The following BOC variants were observed in gnomAD, a reference collection of about 807,000 sequenced individuals.
The protein encoded by BOC is brother of CDO.
Under a neutral mutation model 112.0 loss-of-function variants are expected in BOC, and 76 were observed. The ratio of observed to expected loss-of-function variants is 0.68; its 90% CI spans 0.56 to 0.82. The LOEUF (loss-of-function observed/expected upper bound fraction) is 0.82, where lower values mean the gene tolerates loss of function less well. Ranked by LOEUF, BOC falls within the 40% of genes least tolerant of loss-of-function variation. The probability of loss-of-function intolerance (pLI) is 0.00; values close to 1 mark genes in which losing one functional copy is unlikely to be tolerated. For synonymous variants in BOC, 580 were observed against 599.8 expected, an observed-to-expected ratio of 0.97 and a Z score of 0.48; for missense variants, 1,309 against 1,511.7, an observed-to-expected ratio of 0.87 and a Z score of 2.22.
intron 2 of BOC, among the ~76,000 whole-genome samples, chr3:113,218,326 A>G (rs977921797): frequency 2.0e-5 from 3 of 152,176 alleles, no homozygotes; most frequent in Admixed American, 6.5e-5. Flanking sequence ...TAATATTACA[A>G]TCCTAGCAGG....
At chr3:113,231,876 G>T (rs554045312) in intron 2 of BOC, among the ~76,000 whole-genome samples, 2 of 152,178 alleles carry the variant, frequency 1.3e-5, no homozygotes, top group Admixed American at 1.3e-4. Flanking sequence ...CCTACTATGT[G>T]CCAAGCATTG....
rs138989977 is a variant in BOC, at chr3:113,272,646, G to C, written c.904G>C (p.Asp302His). The C allele has an allele frequency of 6.2e-7, 1 of 1,613,966 alleles. No homozygotes were observed. The highest frequency in any genetic ancestry group is 1.3e-5 in the African/African-American group (1 of 74,954). The change falls in exon 7 of 20, where the codon GAC becomes CAC. Residue 302 changes from aspartate (D) to histidine (H), a missense_variant. Asp to His is a moderately conservative substitution (Grantham distance 81). Coordinates refer to ENST00000682979, the MANE Select transcript of BOC (RefSeq NM_001378074.1). Reference sequence around the variant, plus strand: ...CTCAGGCACCTACCGCTGCATGGCCGACAATGGGGTTGGGCAGCCCGGGGC... The same window carrying C: ...CTCAGGCACCTACCGCTGCATGGCCCACAATGGGGTTGGGCAGCCCGGGGC... The part of the protein sequence containing the change: ...EDSGTYRCMA[D>H]NGVGQPGAAV...
intron 4 of BOC, among the ~76,000 whole-genome samples, chr3:113,267,276 G>T (rs1040218591): frequency 6.6e-6 from 1 of 152,196 alleles, no homozygotes; most frequent in Non-Finnish European, 1.5e-5. Flanking sequence ...TGTGCAAGTG[G>T]TCCCTGTTTT....
intron 2 of BOC, among the ~76,000 whole-genome samples, chr3:113,227,500 C>T (rs559404289): frequency 1.3e-5 from 2 of 152,348 alleles, no homozygotes; most frequent in Non-Finnish European, 2.9e-5. Context: ...TCAAGGTTTC[C>T]TCTGGCTGTG....
At chr3:113,267,604 C>G (rs189685937) in intron 4 of BOC, among the ~76,000 whole-genome samples, 1 of 152,190 alleles carries the variant, frequency 6.6e-6, no homozygotes, top group Non-Finnish European at 1.5e-5. Context: ...AAGGATCCTC[C>G]GTGAAGTGGG....
rs557957161 is a variant in BOC at position 113,220,832 on chromosome 3, A to C, written c.-82+4558A>C. On this transcript the variant is annotated intron_variant, in intron 2 of 19. Coordinates refer to ENST00000682979, the MANE Select transcript of BOC (RefSeq NM_001378074.1). Reference sequence around the variant, plus strand: ...GAGAGAGGAAAAGGACTCGTGGCCAAATAATTCTGGTTAACATTCTTTTTT... The same window carrying C: ...GAGAGAGGAAAAGGACTCGTGGCCACATAATTCTGGTTAACATTCTTTTTT... Among the ~76,000 whole-genome samples, 7 of 152,346 alleles carry C rather than the reference A, an allele frequency of 4.6e-5. No homozygotes were observed. The East Asian group carries it at 1.3e-3, about 29-fold the overall frequency.
In BOC at chr3:113,286,930, G is replaced by A. The variant is rs1413012245; in HGVS notation, c.*68G>A. On this transcript the variant is annotated 3_prime_UTR_variant, in exon 20 of 20. Coordinates refer to ENST00000682979, the MANE Select transcript of BOC (RefSeq NM_001378074.1). ...TTAAAAAAAAAAAGAAGAAAAAAGA[G>A]ACAGAGAAAATTGGTATTTATTTTT... 2.9e-6 allele frequency: 4 copies of A among 1,378,362 alleles called. No homozygotes were observed. Among genetic ancestry groups the A allele is most frequent in the Admixed American group, 2.5e-5 (1 of 40,528 alleles). The allele number at this position is 1,378,362 out of a possible 1,614,324, so 85.4% of individuals were successfully genotyped here.
At chr3:113,218,768 C>T (rs538311874) in intron 2 of BOC, among the ~76,000 whole-genome samples, 2 of 152,334 alleles carry the variant, frequency 1.3e-5, no homozygotes, top group East Asian at 3.9e-4. Context: ...CAGTCAGGTG[C>T]TTTTCATTCT....
At chr3:113,284,946 C>A in intron 18 of BOC, 88 bp downstream of exon 18, 1 of 1,214,828 alleles carries the variant, frequency 8.2e-7, no homozygotes, top group Non-Finnish European at 1.2e-6. Flanking sequence ...CACTGAGAGC[C>A]AAGCAGTAGT....
At chr3:113,224,008 C>T (rs1210493235) in intron 2 of BOC, among the ~76,000 whole-genome samples, 1 of 152,256 alleles carries the variant, frequency 6.6e-6, no homozygotes, top group Admixed American at 6.5e-5. Context: ...GCTGTGCAGA[C>T]CTTCCCATCC....
chr3:113,272,930 C>A, intron 7 of BOC, 139 bp from the exon 8 acceptor site: 2 of 1,184,110 alleles, frequency 1.7e-6, no homozygotes, highest in Non-Finnish European at 2.4e-6. Context: ...TCAGACCTCT[C>A]CTTCCCTCTA....
intron 2 of BOC, among the ~76,000 whole-genome samples, chr3:113,236,296 A>ATACCCATGGG (rs1405385059): frequency 4.3e-5 from 5 of 115,846 alleles, no homozygotes; most frequent in Non-Finnish European, 9.6e-5. Context: ...ATATATATAT[A>ATACCCATGGG]TATATATATA....
chr3:113,250,739 T>C lies in BOC; in HGVS notation c.282T>C (p.Thr94=). The C allele has an allele frequency of 3.7e-6, 6 of 1,614,158 alleles. No individual in the cohort carries two copies. The highest frequency in any genetic ancestry group is 5.1e-6 in the Non-Finnish European group (6 of 1,180,028). Residue 94 remains threonine, a synonymous_variant, in exon 4 of 20, where the codon ACT becomes ACC. Coordinates refer to ENST00000682979, the MANE Select transcript of BOC (RefSeq NM_001378074.1). ...VLITHGTLVI[T]ALNNHTVGRY... Reference sequence around the variant, plus strand: ...TCACCCACGGGACCCTCGTCATCACTGCCCTTAACAACCACACTGTGGGAC... The same window carrying C: ...TCACCCACGGGACCCTCGTCATCACCGCCCTTAACAACCACACTGTGGGAC...
Position 113,278,650 on chromosome 3 carries a change from G to A in BOC, c.1706-23G>A, listed in dbSNP as rs762660379. The A allele has an allele frequency of 6.5e-7, 1 of 1,546,586 alleles. No homozygotes were observed. Among genetic ancestry groups the A allele is most frequent in the South Asian group, 1.2e-5 (1 of 83,958 alleles). On this transcript the variant is annotated intron_variant, in intron 10 of 19. Transcript: ENST00000682979. This position sits in a 1 kb window ranked among gnomAD's most constrained non-coding sequence, Gnocchi z 4.2. ...TCTCATGCCTGCTTCCTCCCTTGCT[G>A]ACTACAACCCATTTCCACCCAGGAC...
At chr3:113,217,921 G>A (rs550398878) in intron 2 of BOC, among the ~76,000 whole-genome samples, 1 of 152,304 alleles carries the variant, frequency 6.6e-6, no homozygotes, top group East Asian at 1.9e-4. Context: ...TCATCTACAT[G>A]AGATTTTAGC....
At chr3:113,218,169 G>C (rs924623368) in intron 2 of BOC, among the ~76,000 whole-genome samples, 1 of 152,200 alleles carries the variant, frequency 6.6e-6, no homozygotes, top group Non-Finnish European at 1.5e-5. Flanking sequence ...CTGTGGAACC[G>C]GCTGGCCGTG....
In BOC at chr3:113,274,040, CGA is replaced by C. The variant is rs1209846031; in HGVS notation, c.1235-332_1235-331del. On this transcript the variant is annotated intron_variant, in intron 8 of 19. Coordinates refer to ENST00000682979, the MANE Select transcript of BOC (RefSeq NM_001378074.1). This position sits in a 1 kb window ranked among gnomAD's most constrained non-coding sequence, Gnocchi z 4.8. ...ACATGTCCCCACCTCCAGCCTAGACCGAGAAGGAAGGCGCAGGGTTCCTGGGC... is the reference window on the plus strand; with the variant it reads ...ACATGTCCCCACCTCCAGCCTAGACCGAAGGAAGGCGCAGGGTTCCTGGGC... Among the ~76,000 whole-genome samples, 1 of 152,170 alleles carries C rather than the reference CGA, an allele frequency of 6.6e-6. No homozygotes were observed. Among genetic ancestry groups the C allele is most frequent in the Non-Finnish European group, 1.5e-5 (1 of 68,036 alleles).
intron 4 of BOC, among the ~76,000 whole-genome samples, chr3:113,254,851 G>A (rs1369184541): frequency 6.6e-6 from 1 of 152,190 alleles, no homozygotes; most frequent in Non-Finnish European, 1.5e-5. Context: ...GAGGCCTCTA[G>A]CAGAATAATT....
intron 2 of BOC, among the ~76,000 whole-genome samples, chr3:113,246,224 C>T (rs767593521): frequency 1.1e-4 from 17 of 152,116 alleles, no homozygotes; most frequent in Non-Finnish European, 2.1e-4. Flanking sequence ...GTCCAAATAA[C>T]CCTTTAAACT....
Sources: gnomAD v4.1 joint callset for allele counts (sites outside exome capture counted in the v4.1 genomes callset) on GRCh38, gnomAD v4.1.1 for gene constraint, Gnocchi (gnomAD v3.1) non-coding constraint, MANE v1.5 for transcripts, NCBI Gene and HGNC (gene_info 2026-07-23, HGNC 2026-07-21) for gene names.